Variants in SGCD observed in about 807,000 individuals in gnomAD.
SGCD encodes sarcoglycan delta.
In SGCD, 18 loss-of-function variants were observed where a neutral mutation model predicts 36.6. The observed-to-expected ratio is 0.49, with a 90% confidence interval of 0.34 to 0.73. The LOEUF (loss-of-function observed/expected upper bound fraction) is 0.73, where lower values mean the gene tolerates loss of function less well. Ranked by LOEUF, SGCD falls within the 30% of genes least tolerant of loss-of-function variation. The pLI is 0.01. For synonymous variants in SGCD, 133 were observed against 130.6 expected, an observed-to-expected ratio of 1.02 and a Z score of -0.12; for missense variants, 387 against 346.7, an observed-to-expected ratio of 1.12 and a Z score of -0.92.
At chr5:156,487,555 T>TG (rs1315460098) in intron 3 of SGCD, among the ~76,000 whole-genome samples, 3 of 151,998 alleles carry the variant, frequency 2.0e-5, no homozygotes, top group African/African-American at 7.2e-5. Flanking sequence ...TTTGGAAGGC[T>TG]GAGGCGGGTG....
At chr5:155,887,165 A>T (rs1756024282) in intron 1 of SGCD, among the ~76,000 whole-genome samples, 1 of 152,172 alleles carries the variant, frequency 6.6e-6, no homozygotes, top group Non-Finnish European at 1.5e-5. Context: ...TCACACAGGG[A>T]TTGCTTCCTA....
At chr5:156,652,529 A>G (rs748205300) in intron 7 of SGCD, among the ~76,000 whole-genome samples, 1 of 152,000 alleles carries the variant, frequency 6.6e-6, no homozygotes, top group Non-Finnish European at 1.5e-5. Flanking sequence ...CATACACAGA[A>G]TCATATTGTT....
chr5:156,259,903 C>T (rs1044399689), intron 3 of SGCD, among the ~76,000 whole-genome samples: 1 of 152,288 alleles, frequency 6.6e-6, no homozygotes, highest in African/African-American at 2.4e-5. Flanking sequence ...TCACCAGATG[C>T]CAGTACCATG....
At chr5:156,569,000 T>G (rs1238810585) in intron 4 of SGCD, among the ~76,000 whole-genome samples, 1 of 152,208 alleles carries the variant, frequency 6.6e-6, no homozygotes, top group Non-Finnish European at 1.5e-5. Flanking sequence ...TTTCACCTTT[T>G]TCAATATCTT....
intron 7 of SGCD, among the ~76,000 whole-genome samples, chr5:156,720,593 C>T (rs536271715): frequency 6.6e-6 from 1 of 152,234 alleles, no homozygotes; most frequent in Non-Finnish European, 1.5e-5. Flanking sequence ...AAAGACTGGA[C>T]CTCTCTCCCT....
chr5:156,088,206 T>C (rs906930808), intron 1 of SGCD, among the ~76,000 whole-genome samples: 2 of 152,036 alleles, frequency 1.3e-5, no homozygotes, highest in Non-Finnish European at 2.9e-5. Flanking sequence ...AAGAAACCTG[T>C]TTTTATAGTG....
At chr5:155,746,877 C>T in the SGCD span, among the ~76,000 whole-genome samples, 1 of 152,166 alleles carries the variant, frequency 6.6e-6, no homozygotes, top group South Asian at 2.1e-4. Context: ...ATGTAGCTGG[C>T]CACATTCTGA....
chr5:156,276,236 GT>G (rs1766315361), intron 3 of SGCD, among the ~76,000 whole-genome samples: 4 of 152,114 alleles, frequency 2.6e-5, no homozygotes, highest in Admixed American at 2.6e-4. Flanking sequence ...TAGCTGCTGG[GT>G]TTCTCTACTA....
intron 1 of SGCD, among the ~76,000 whole-genome samples, chr5:156,109,676 T>G (rs1761737432): frequency 1.3e-5 from 2 of 152,164 alleles, no homozygotes; most frequent in Admixed American, 1.3e-4. Flanking sequence ...TCTCTTCCCC[T>G]CTTATGCTTT....
In SGCD at chr5:155,974,259, C is replaced by T. The variant is rs116624161; in HGVS notation, c.-282+103835C>T. ...TCACGTGCAGTAGAGGAAATTGAGA[C>T]CCAGGCAAGTTACATGACTTGCCCA... On this transcript the variant is annotated intron_variant, in intron 1 of 9. Transcript: ENST00000517913. Among the ~76,000 whole-genome samples the T allele has an allele frequency of 3.7e-3, 561 of 152,134 alleles. 6 individuals are homozygous for T. Among genetic ancestry groups the T allele is most frequent in the African/African-American group, 0.013 (542 of 41,524 alleles).
rs974366113 is a variant in SGCD, at chr5:156,125,807, TTGTGGTACA to T, written c.-44+1789_-44+1797del. 1.6e-4 allele frequency among the ~76,000 whole-genome samples: 24 copies of T among 150,090 alleles called. No homozygotes were observed. In the Admixed American group the frequency reaches 1.6e-3, roughly 10 times the overall value. On this transcript the variant is annotated intron_variant, in intron 3 of 9. Transcript: ENST00000517913. Reference sequence around the variant, plus strand: ...AACATTCTACAAAATTGATGTATAGTTGTGGTACAGTTACTTCTTCCCACTCATTCTTTT... The same window carrying T: ...AACATTCTACAAAATTGATGTATAGTGTTACTTCTTCCCACTCATTCTTTT...
intron 6 of SGCD, among the ~76,000 whole-genome samples, chr5:156,639,393 C>T (rs553840521): frequency 5.3e-5 from 8 of 152,328 alleles, no homozygotes; most frequent in African/African-American, 1.9e-4. Context: ...CCTAGATGAA[C>T]CCAAACATCC....
intron 6 of SGCD, among the ~76,000 whole-genome samples, chr5:156,623,283 G>C (rs1304858248): frequency 1.3e-5 from 2 of 152,138 alleles, no homozygotes; most frequent in Non-Finnish European, 2.9e-5. Flanking sequence ...GCTTCTGACT[G>C]GGGACCAGCA....
In SGCD at chr5:156,305,918, C is replaced by T. The variant is rs950269663; in HGVS notation, c.-43-23616C>T. ...TTAGACTTGAATGGGGCCTGTAGCC[C>T]CTTTGTTTTGGCCACTTTCTCCCAT... On this transcript the variant is annotated intron_variant, in intron 3 of 9. Transcript: ENST00000517913. Among the ~76,000 whole-genome samples the T allele has an allele frequency of 9.9e-5, 15 of 152,122 alleles. No individual in the cohort carries two copies. In the East Asian group the frequency reaches 2.7e-3, roughly 27 times the overall value.
chr5:156,610,684 C>G (rs1050536494), intron 6 of SGCD, among the ~76,000 whole-genome samples: 7 of 152,232 alleles, frequency 4.6e-5, no homozygotes, highest in South Asian at 2.1e-4. Flanking sequence ...CTGCGGTGGG[C>G]TCCACCCAGT....
At chr5:156,560,693 A>G (rs1470095446) in intron 4 of SGCD, among the ~76,000 whole-genome samples, 1 of 152,190 alleles carries the variant, frequency 6.6e-6, no homozygotes, top group Non-Finnish European at 1.5e-5. Context: ...TTCTAGGCAA[A>G]TGAAATTTAC....
chr5:156,737,966 A>C (rs1416058393), intron 7 of SGCD, among the ~76,000 whole-genome samples: 2 of 152,192 alleles, frequency 1.3e-5, no homozygotes, highest in Non-Finnish European at 2.9e-5. Context: ...ACCGATTTTC[A>C]ATCCTGATCA....
At chr5:156,360,434 G>A (rs1378385933) in intron 3 of SGCD, among the ~76,000 whole-genome samples, 1 of 152,104 alleles carries the variant, frequency 6.6e-6, no homozygotes, top group Non-Finnish European at 1.5e-5. Flanking sequence ...TTTTAGTAGA[G>A]ATGGGGTTTC....
chr5:155,752,193 C>A, the SGCD span, among the ~76,000 whole-genome samples: 1 of 152,156 alleles, frequency 6.6e-6, no homozygotes, highest in African/African-American at 2.4e-5. Flanking sequence ...TTCCCATTGC[C>A]TTGTTCTCCA....
Sources: allele counts gnomAD v4.1 joint callset (sites outside exome capture counted in the v4.1 genomes callset), GRCh38; gene constraint gnomAD v4.1.1; transcripts MANE v1.5; gene names NCBI Gene and HGNC (gene_info 2026-07-23, HGNC 2026-07-21).